The following TTLL6 variants were observed in gnomAD, a reference collection of about 807,000 sequenced individuals.
The protein encoded by TTLL6 is tubulin tyrosine ligase like 6.
TTLL6 carries 75 observed loss-of-function variants against 96.4 expected under a neutral mutation model. The observed-to-expected ratio is 0.78, with a 90% CI of 0.65 to 0.94. The LOEUF is 0.94. Ranked by LOEUF, TTLL6 falls within the 40% of genes least tolerant of loss-of-function variation. The pLI is 0.00. For missense variants in TTLL6, 1,030 were observed against 1,093.0 expected, an observed-to-expected ratio of 0.94 and a Z score of 0.81; for synonymous variants, 411 against 419.4, an observed-to-expected ratio of 0.98 and a Z score of 0.24.
In TTLL6 at chr17:48,791,392, G is replaced by GT; in HGVS notation, c.1209dup (p.Pro404ThrfsTer20). 1 of 1,614,106 alleles carries GT rather than the reference G, an allele frequency of 6.2e-7. No homozygotes were observed. The highest frequency in any genetic ancestry group is 8.5e-7 in the Non-Finnish European group (1 of 1,179,996). ...AACTTCCCTACCTCCAGCAGCCAGG[G>GT]TTTGAGTTTGTGGTCCAACAAAATG... On this transcript the variant is annotated frameshift_variant, in exon 9 of 16. Coordinates refer to ENST00000393382, the MANE Select transcript of TTLL6 (RefSeq NM_001130918.3). LOFTEE classifies it high-confidence loss of function.
At chr17:48,791,918 AC>A (rs36010040) in intron 8 of TTLL6, among the ~76,000 whole-genome samples, 26 of 151,542 alleles carry the variant, frequency 1.7e-4, no homozygotes, top group African/African-American at 6.3e-4. Flanking sequence ...AGTCAAGAAA[AC>A]CCCCTGACAC....
At chr17:48,772,725 G>A (rs1490235816) in intron 13 of TTLL6, among the ~76,000 whole-genome samples, 2 of 136,208 alleles carry the variant, frequency 1.5e-5, no homozygotes, top group South Asian at 2.3e-4. Flanking sequence ...GTGAGACTCC[G>A]TCTCAAAAAA....
At chr17:48,788,764 G>A (rs1567725115) in intron 10 of TTLL6, among the ~76,000 whole-genome samples, 1 of 152,196 alleles carries the variant, frequency 6.6e-6, no homozygotes, top group East Asian at 1.9e-4. Flanking sequence ...TCAGAACAAG[G>A]CCACACAGCA....
intron 7 of TTLL6, 58 bp from the exon 8 acceptor site, chr17:48,796,204 C>G (rs1174304129): frequency 8.0e-6 from 11 of 1,366,632 alleles, no homozygotes; most frequent in Non-Finnish European, 1.1e-5. Flanking sequence ...CCCCTGCTTC[C>G]TCTCTGTGCC....
At chr17:48,790,206 C>G in intron 9 of TTLL6, 100 bp from the exon 10 acceptor site, 1 of 1,280,466 alleles carries the variant, frequency 7.8e-7, no homozygotes, top group Non-Finnish European at 1.1e-6. Context: ...AAGCCCACCT[C>G]AGGGCCCTCA....
At chr17:48,801,959 A>C (rs141731283) in intron 3 of TTLL6, among the ~76,000 whole-genome samples, 9 of 151,716 alleles carry the variant, frequency 5.9e-5, no homozygotes, top group Non-Finnish European at 7.4e-5. Context: ...GGGGGAGAAT[A>C]ACCTGAGCCC....
intron 1 of TTLL6, among the ~76,000 whole-genome samples, chr17:48,807,229 T>C (rs547776887): frequency 2.7e-5 from 4 of 150,916 alleles, no homozygotes; most frequent in African/African-American, 9.7e-5. Context: ...CTGGGATTAC[T>C]ACAGGCATAC....
At chr17:48,784,666 G>A (rs748982474) in intron 13 of TTLL6, among the ~76,000 whole-genome samples, 13 of 152,160 alleles carry the variant, frequency 8.5e-5, no homozygotes, top group Non-Finnish European at 1.5e-4. Flanking sequence ...CAAGTTGGAG[G>A]CAATTTGCCA....
intron 1 of TTLL6, among the ~76,000 whole-genome samples, chr17:48,808,949 A>G (rs527509646): frequency 6.6e-6 from 1 of 152,202 alleles, no homozygotes; most frequent in South Asian, 2.1e-4. Context: ...ACCTTTCTCT[A>G]TTCCTTTCTA....
In TTLL6 at chr17:48,799,662, C is replaced by T. The variant is rs1475803178; in HGVS notation, c.710G>A (p.Arg237Gln). 11 of 1,551,836 alleles carry T rather than the reference C, an allele frequency of 7.1e-6. No individual in the cohort carries two copies. In the Admixed American group the frequency reaches 7.8e-5, roughly 11 times the overall value. ...CCCTGGTTTGATTTCTTTCACTGTC[C>T]GGGTGATGAATATACCTTTCCCTTG... ...GCQGKGIFIT[R>Q]TVKEIKPGED... Residue 237 changes from arginine (R) to glutamine (Q), a missense_variant, in exon 6 of 16, where the codon CGG becomes CAG. Coordinates refer to ENST00000393382, the MANE Select transcript of TTLL6 (RefSeq NM_001130918.3).
intron 1 of TTLL6, among the ~76,000 whole-genome samples, chr17:48,807,154 C>G (rs2039517379): frequency 6.6e-6 from 1 of 151,960 alleles, no homozygotes; most frequent in Admixed American, 6.6e-5. Context: ...ATGGCGCCAT[C>G]TCGGCTCACT....
At chr17:48,785,880 T>C (rs1260760652) in intron 12 of TTLL6, among the ~76,000 whole-genome samples, 1 of 152,172 alleles carries the variant, frequency 6.6e-6, no homozygotes, top group Non-Finnish European at 1.5e-5. Flanking sequence ...ATAAGGTTCA[T>C]GCTCAGCCTC....
Position 48,801,532 on chromosome 17 carries a change from C to A in TTLL6, c.473G>T (p.Ser158Ile). The change falls in exon 4 of 16, where the codon AGT becomes ATT. Residue 158 changes from serine (S) to isoleucine (I), a missense_variant. Ser to Ile is a moderately radical substitution (Grantham distance 142). Coordinates refer to ENST00000393382, the MANE Select transcript of TTLL6 (RefSeq NM_001130918.3). ...CATCACTAGCCCAAATACCTGGTAA[C>A]TTTTCATTTCCATCACCCGCTCCAG... ...VSLERVMEMK[S>I]YQKINHFPGM... 6.4e-7 allele frequency: 1 copy of A among 1,552,032 alleles called. No individual in the cohort carries two copies. The highest frequency in any genetic ancestry group is 8.7e-7 in the Non-Finnish European group (1 of 1,147,056).
chr17:48,778,319 G>A (rs77379263), intron 13 of TTLL6, among the ~76,000 whole-genome samples: 3 of 136,198 alleles, frequency 2.2e-5, no homozygotes, highest in Non-Finnish European at 4.8e-5. Flanking sequence ...TAAAGAAAGA[G>A]AGAGGGAGGG....
intron 8 of TTLL6, 139 bp downstream of exon 8, chr17:48,795,922 C>T (rs763568834): frequency 9.5e-6 from 6 of 630,342 alleles, no homozygotes; most frequent in South Asian, 4.6e-5. Flanking sequence ...TTCTGGGTTG[C>T]GAGGCAAAGG....
At chr17:48,797,712 C>T (rs940677318) in intron 6 of TTLL6, among the ~76,000 whole-genome samples, 1 of 148,118 alleles carries the variant, frequency 6.8e-6, no homozygotes, top group Non-Finnish European at 1.5e-5. Flanking sequence ...ACTTGAGCCC[C>T]GGGGGGCAGA....
In TTLL6 at chr17:48,801,575, T is replaced by C; in HGVS notation, c.430A>G (p.Thr144Ala). 6.4e-7 allele frequency: 1 copy of C among 1,551,786 alleles called. No homozygotes were observed. Among genetic ancestry groups the C allele is most frequent in the South Asian group, 1.2e-5 (1 of 84,054 alleles). Residue 144 changes from threonine to alanine, a missense_variant, in exon 4 of 16, where the codon ACA (threonine) becomes GCA (alanine). Transcript: ENST00000393382. ...CGCTCCAGTGACACTGAGTAATCTG[T>C]CCAATAGAGAGTCCAGTCATCGTCT... ...GEDDDWTLYW[T>A]DYSVSLERVM...
intron 13 of TTLL6, among the ~76,000 whole-genome samples, chr17:48,780,858 T>C (rs1423924734): frequency 6.6e-6 from 1 of 152,204 alleles, no homozygotes; most frequent in Non-Finnish European, 1.5e-5. Flanking sequence ...TTTCATTATA[T>C]GTATATACCA....
At chr17:48,777,205 C>T (rs1597967383) in intron 13 of TTLL6, among the ~76,000 whole-genome samples, 1 of 152,130 alleles carries the variant, frequency 6.6e-6, no homozygotes, top group African/African-American at 2.4e-5. Flanking sequence ...ATGGGAAAAA[C>T]AAACCTTGGA....
Sources: gnomAD v4.1 joint callset for allele counts (sites outside exome capture counted in the v4.1 genomes callset) on GRCh38, gnomAD v4.1.1 for gene constraint, MANE v1.5 for transcripts, NCBI Gene and HGNC (gene_info 2026-07-23, HGNC 2026-07-21) for gene names.